ZDHHC11B: variants seen among roughly 807,000 people sequenced by gnomAD.
ZDHHC11B encodes the protein probable palmitoyltransferase ZDHHC11B.
ZDHHC11B carries 17 observed loss-of-function variants against 42.3 expected under a neutral mutation model. That is an observed-to-expected ratio of 0.40 (90% CI 0.27 to 0.60). The LOEUF (loss-of-function observed/expected upper bound fraction) is 0.60. Among genes scored for constraint, ZDHHC11B ranks in the 20% least tolerant of loss-of-function variants. The probability of loss-of-function intolerance (pLI) is 0.41; values close to 1 mark genes in which losing one functional copy is unlikely to be tolerated. For missense variants in ZDHHC11B, 262 were observed against 463.2 expected (o/e 0.57, Z 3.99); for synonymous variants, 123 against 193.5 (o/e 0.64, Z 3.02).
chr5:767,071 G>T (rs568404745), intron 3 of ZDHHC11B, 152 bp from the exon 4 acceptor site: 4 of 1,006,748 alleles, frequency 4.0e-6, no homozygotes, highest in South Asian at 1.6e-5. Context: ...CACGTTCCCC[G>T]CAGAGGGAGC....
chr5:722,473 T>C (rs1335362326), intron 12 of ZDHHC11B, among the ~76,000 whole-genome samples: 17 of 151,584 alleles, frequency 1.1e-4, no homozygotes, highest in African/African-American at 3.9e-4. Context: ...AGGGAAATAC[T>C]GAAGTAGGCC....
At position 764,284 on chromosome 5, in the gene ZDHHC11B, C is replaced by T. The variant is rs372795798; in HGVS notation, c.222+2414G>A. On this transcript the variant is annotated intron_variant, in intron 4 of 13. Transcript: ENST00000508859. ...TCCTCGGCCTCGGTGCCCACTCTGG[C>T]CACACTCGAGGGGCCCTTCAGCCCA... Among the ~76,000 whole-genome samples, 4 of 152,078 alleles carry T rather than the reference C, an allele frequency of 2.6e-5. No individual in the cohort carries two copies. The East Asian group carries it at 7.7e-4, about 29-fold the overall frequency.
At chr5:754,308 A>G (rs5028818) in intron 6 of ZDHHC11B, among the ~76,000 whole-genome samples, 5,313 of 13,396 alleles carry the variant, frequency 0.4, 1,445 homozygotes, top group East Asian at 0.61. Context: ...CCTCTCGCCT[A>G]TGAGCCTCCA....
chr5:722,545 G>A (rs1365493579), intron 12 of ZDHHC11B, among the ~76,000 whole-genome samples: 2 of 151,586 alleles, frequency 1.3e-5, no homozygotes, highest in African/African-American at 2.4e-5. Context: ...AGGACATGAA[G>A]CAATAGGACT....
rs1197246421 is a variant in ZDHHC11B at position 711,487 on chromosome 5, G to C, written c.*803C>G. The C allele has an allele frequency of 6.8e-6, 1 of 147,276 alleles. No individual in the cohort carries two copies. The highest frequency in any genetic ancestry group is 1.5e-5 in the Non-Finnish European group (1 of 67,900). 9.1% of individuals were successfully genotyped at this position (147,276 alleles called of 1,614,324 possible). ...ATACTCCTATTTCCCAGTGCCATGT[G>C]CTTCCATTTCCCAGTACTGTGCTCA... On this transcript the variant is annotated 3_prime_UTR_variant, in exon 14 of 14. Transcript: ENST00000508859.
At position 720,171 on chromosome 5, in the gene ZDHHC11B, T is replaced by C. The variant is rs377011474; in HGVS notation, c.1059-3306A>G. 2.0e-4 allele frequency among the ~76,000 whole-genome samples: 30 copies of C among 151,736 alleles called. 2 individuals carry two copies. Among genetic ancestry groups the C allele is most frequent in the African/African-American group, 6.1e-4 (25 of 41,164 alleles). On this transcript the variant is annotated intron_variant, in intron 12 of 13. Transcript: ENST00000508859. ...GAATGAATCTACACATCCAAGGAGC[T>C]CAACGAATTCCAAGCAGGCTATATG... is the stretch of plus-strand genomic sequence containing the variant.
intron 1 of ZDHHC11B, among the ~76,000 whole-genome samples, chr5:776,686 C>T (rs1449579081): frequency 2.0e-5 from 3 of 151,960 alleles, no homozygotes; most frequent in African/African-American, 7.3e-5. Context: ...GACAGAGCCC[C>T]TGTGGAGCTC....
chr5:758,804 C>T (rs1299089031), intron 4 of ZDHHC11B, among the ~76,000 whole-genome samples: 8 of 151,906 alleles, frequency 5.3e-5, no homozygotes, highest in African/African-American at 9.7e-5. Context: ...GTCCATTGGC[C>T]GCACTTTGGC....
At chr5:776,588 C>A (rs1400042802) in intron 1 of ZDHHC11B, among the ~76,000 whole-genome samples, 3 of 151,870 alleles carry the variant, frequency 2.0e-5, no homozygotes, top group Non-Finnish European at 4.4e-5. Context: ...CAGCTCGAGA[C>A]CCTCGCTGGT....
chr5:759,238 C>T (rs140429890), intron 4 of ZDHHC11B, among the ~76,000 whole-genome samples: 4 of 151,954 alleles, frequency 2.6e-5, no homozygotes, highest in Middle Eastern at 3.4e-3. Context: ...GGCGCCGCAG[C>T]GCCAGCCCAG....
At chr5:746,827 A>G (rs1305402454) in intron 8 of ZDHHC11B, among the ~76,000 whole-genome samples, 6 of 145,694 alleles carry the variant, frequency 4.1e-5, no homozygotes, top group Admixed American at 3.6e-4. Context: ...CAAAGTTGGA[A>G]AAAAATGACA....
intron 6 of ZDHHC11B, among the ~76,000 whole-genome samples, chr5:753,065 C>T (rs1268056018): frequency 7.8e-6 from 1 of 128,182 alleles, no homozygotes; most frequent in African/African-American, 2.5e-5. Context: ...TGTGTTTAAC[C>T]TGCAGAGTCC....
At chr5:767,033 C>T in intron 3 of ZDHHC11B, 114 bp from the exon 4 acceptor site, 5 of 1,303,616 alleles carry the variant, frequency 3.8e-6, no homozygotes, top group Non-Finnish European at 5.3e-6. Flanking sequence ...CCAGCACTGA[C>T]AGCCAATGGC....
intron 1 of ZDHHC11B, among the ~76,000 whole-genome samples, chr5:773,765 C>T (rs767286185): frequency 6.6e-6 from 1 of 151,786 alleles, no homozygotes; most frequent in Non-Finnish European, 1.5e-5. Context: ...GCTGAGCCCA[C>T]CCCACTTGCG....
Position 730,981 on chromosome 5 carries a change from G to A in ZDHHC11B, c.1024-513C>T, listed in dbSNP as rs147652329. ...AGATATGTGAGAAAATACATTTCTT[G>A]TTCCAACGCCCCATGTGTGGTTCCT... On this transcript the variant is annotated intron_variant, in intron 11 of 13. Coordinates refer to ENST00000508859, the MANE Select transcript of ZDHHC11B (RefSeq NM_001351303.2). 1.1e-3 allele frequency among the ~76,000 whole-genome samples: 167 copies of A among 152,036 alleles called. 4 individuals are homozygous for A. Among genetic ancestry groups the A allele is most frequent in the African/African-American group, 3.8e-3 (156 of 41,370 alleles).
chr5:777,593 AC>A (rs1736631438), intron 1 of ZDHHC11B, among the ~76,000 whole-genome samples: 1 of 151,830 alleles, frequency 6.6e-6, no homozygotes, highest in South Asian at 2.1e-4. Flanking sequence ...CCGTTATCTG[AC>A]CCCACCCACA....
intron 12 of ZDHHC11B, among the ~76,000 whole-genome samples, chr5:728,667 A>G (rs1382486318): frequency 6.6e-6 from 1 of 152,020 alleles, no homozygotes; most frequent in Non-Finnish European, 1.5e-5. Flanking sequence ...TGATACAATC[A>G]GCATGTAATA....
chr5:758,611 C>T (rs148840652), intron 4 of ZDHHC11B, among the ~76,000 whole-genome samples: 17 of 151,854 alleles, frequency 1.1e-4, no homozygotes, highest in East Asian at 7.7e-4. Context: ...AACCTGCAGG[C>T]GCCATGGCCA....
chr5:723,809 T>C (rs566086435), intron 12 of ZDHHC11B, among the ~76,000 whole-genome samples: 1 of 132,306 alleles, frequency 7.6e-6, no homozygotes, highest in Admixed American at 7.5e-5. Flanking sequence ...TCCTTCTGAA[T>C]CTCTGGTGCC....
Sources: gnomAD v4.1 joint callset for allele counts (sites outside exome capture counted in the v4.1 genomes callset) on GRCh38, gnomAD v4.1.1 for gene constraint, MANE v1.5 for transcripts, NCBI Gene and HGNC (gene_info 2026-07-23, HGNC 2026-07-21) for gene names.